Variants in DMD observed in about 807,000 individuals in gnomAD.
The protein encoded by DMD is dystrophin.
In DMD, 63 loss-of-function variants were observed where a neutral mutation model predicts 330.1. That is an observed-to-expected ratio of 0.19 (90% CI 0.16 to 0.24). DMD has a LOEUF of 0.24. Among genes scored for constraint, DMD ranks in the 10% least tolerant of loss-of-function variants. The pLI is 1.00. For synonymous variants in DMD, 1,223 were observed against 959.8 expected, an observed-to-expected ratio of 1.27 and a Z score of -5.07; for missense variants, 3,344 against 2,684.1, an observed-to-expected ratio of 1.25 and a Z score of -5.43.
intron 44 of DMD, among the ~76,000 whole-genome samples, chrX:31,988,936 G>A (rs1454309519): frequency 9.0e-6 from 1 of 111,703 alleles, no homozygotes; most frequent in Non-Finnish European, 1.9e-5. Flanking sequence ...TGAGTCCAAA[G>A]GCATGAGAAC....
chrX:32,770,144 G>A (rs977880593), intron 7 of DMD, among the ~76,000 whole-genome samples: 4 of 111,755 alleles, frequency 3.6e-5, no homozygotes, highest in South Asian at 3.7e-4. Context: ...ATAGAAAGCC[G>A]GATTTTGTTT....
intron 2 of DMD, among the ~76,000 whole-genome samples, chrX:32,928,038 T>C (rs990049122): frequency 5.4e-5 from 6 of 111,099 alleles, no homozygotes; most frequent in Admixed American, 3.9e-4. Context: ...GTATGCATGA[T>C]TTTGATAAGA....
chrX:31,614,499 T>G (rs749481230), intron 55 of DMD, among the ~76,000 whole-genome samples: 33 of 112,294 alleles, frequency 2.9e-4, no homozygotes, highest in Non-Finnish European at 6.0e-4. Context: ...ATAGTCAACA[T>G]GCTAACAGAC....
intron 39 of DMD, among the ~76,000 whole-genome samples, chrX:32,344,793 C>T (rs955833922): frequency 6.3e-5 from 7 of 111,814 alleles, no homozygotes; most frequent in East Asian, 2.8e-4. Context: ...CACCATCATA[C>T]GACCAGTGTA....
At chrX:32,196,868 A>C (rs143991499) in intron 44 of DMD, among the ~76,000 whole-genome samples, 6,980 of 107,099 alleles carry the variant, frequency 0.065, 564 homozygotes, top group African/African-American at 0.22. Context: ...CGCCTGTAGT[A>C]CCAGCTACTC....
intron 5 of DMD, among the ~76,000 whole-genome samples, chrX:32,822,341 T>A (rs997078161): frequency 2.7e-5 from 3 of 110,501 alleles, no homozygotes. Context: ...ATGGTAACCG[T>A]GGAAGTTTAA....
intron 52 of DMD, among the ~76,000 whole-genome samples, chrX:31,694,385 G>A (rs774154696): frequency 9.2e-6 from 1 of 108,687 alleles, no homozygotes; most frequent in East Asian, 2.9e-4. Context: ...CACAAAAATA[G>A]GTAAGTAAGA....
chrX:32,033,587 A>AAGACAGAC (rs377682883), intron 44 of DMD, among the ~76,000 whole-genome samples: 9 of 71,876 alleles, frequency 1.3e-4, no homozygotes, highest in African/African-American at 3.1e-4. Context: ...TTAAAAAAAC[A>AAGACAGAC]AGACAGACAG....
Position 31,507,513 on chromosome X carries a change from G to T in DMD, c.8218-60C>A, listed in dbSNP as rs1201451273. On this transcript the variant is annotated intron_variant, in intron 55 of 78. Coordinates refer to ENST00000357033, the MANE Select transcript of DMD (RefSeq NM_004006.3). ...TTACCAAACAAAAGAAACAAGCGATGAATGTGAATTTGGAGAATTGCAAAA... is the reference window on the plus strand; with the variant it reads ...TTACCAAACAAAAGAAACAAGCGATTAATGTGAATTTGGAGAATTGCAAAA... 9 of 1,078,082 alleles carry T rather than the reference G, an allele frequency of 8.3e-6. No individual in the cohort carries two copies. In the African/African-American group the frequency reaches 1.3e-4, roughly 15 times the overall value. The allele number at this position is 1,078,082 out of a possible 1,213,427, so 88.8% of individuals were successfully genotyped here.
intron 49 of DMD, among the ~76,000 whole-genome samples, chrX:31,833,805 G>T (rs1164803159): frequency 9.0e-6 from 1 of 110,907 alleles, no homozygotes; most frequent in Non-Finnish European, 1.9e-5. Flanking sequence ...AAACAGAATT[G>T]CTCCCTGATG....
At chrX:31,513,083 T>C (rs1284672266) in intron 55 of DMD, among the ~76,000 whole-genome samples, 1 of 98,300 alleles carries the variant, frequency 1.0e-5, no homozygotes, top group African/African-American at 3.8e-5. Context: ...AGGTATTTTA[T>C]TCTCTTTGAA....
At chrX:31,872,320 T>C (rs1407659585) in intron 48 of DMD, among the ~76,000 whole-genome samples, 1 of 110,967 alleles carries the variant, frequency 9.0e-6, no homozygotes, top group Middle Eastern at 4.3e-3. Context: ...ACTTGTAGCT[T>C]TGATAAAGAA....
intron 19 of DMD, among the ~76,000 whole-genome samples, chrX:32,499,621 T>C (rs765282844): frequency 9.0e-6 from 1 of 111,475 alleles, no homozygotes; most frequent in African/African-American, 3.3e-5. Flanking sequence ...TAGCCTAAGC[T>C]TGGGAAGGAA....
intron 9 of DMD, among the ~76,000 whole-genome samples, chrX:32,666,966 G>C (rs1293993637): frequency 9.0e-6 from 1 of 111,088 alleles, no homozygotes; most frequent in Non-Finnish European, 1.9e-5. Context: ...AAGATATCCG[G>C]GCTTCTATGC....
chrX:31,982,456 G>A (rs756979473), intron 44 of DMD, among the ~76,000 whole-genome samples: 21 of 111,755 alleles, frequency 1.9e-4, no homozygotes, highest in African/African-American at 6.5e-4. Flanking sequence ...ACAGGAGGGA[G>A]TCTTCCGAAA....
chrX:32,816,093 T>C (rs2077737331), intron 6 of DMD, among the ~76,000 whole-genome samples: 1 of 111,477 alleles, frequency 9.0e-6, no homozygotes, highest in Admixed American at 9.6e-5. Context: ...GTATCATTTT[T>C]ACCTGTATAG....
chrX:31,513,827 C>T (rs1023089559), intron 55 of DMD, among the ~76,000 whole-genome samples: 15 of 111,437 alleles, frequency 1.3e-4, no homozygotes, highest in Non-Finnish European at 2.6e-4. Flanking sequence ...CTCAACAACC[C>T]TCTAGGGTAG....
At chrX:32,816,011 G>C (rs138619112) in intron 6 of DMD, among the ~76,000 whole-genome samples, 79 of 111,393 alleles carry the variant, frequency 7.1e-4, no homozygotes, top group African/African-American at 2.3e-3. Flanking sequence ...TGATAAGACA[G>C]ATGTTTCTTT....
chrX:31,600,508 T>C (rs1283354014), intron 55 of DMD, among the ~76,000 whole-genome samples: 1 of 101,421 alleles, frequency 9.9e-6, no homozygotes, highest in South Asian at 4.6e-4. Flanking sequence ...ATGCCAACTA[T>C]GGTTTTTTTT....
Sources: gnomAD v4.1 joint callset for allele counts (sites outside exome capture counted in the v4.1 genomes callset) on GRCh38, gnomAD v4.1.1 for gene constraint, MANE v1.5 for transcripts, NCBI Gene and HGNC (gene_info 2026-07-23, HGNC 2026-07-21) for gene names.